FILIP1: variants seen among roughly 807,000 people sequenced by gnomAD.
The protein encoded by FILIP1 is filamin-A-interacting protein 1.
Under a neutral mutation model 102.1 loss-of-function variants are expected in FILIP1, and 61 were observed. The ratio of observed to expected loss-of-function variants is 0.60; its 90% CI spans 0.49 to 0.74. The LOEUF is 0.74. FILIP1 is among the 30% of genes least tolerant of loss of function. The pLI is 0.00. For missense variants in FILIP1, 1,314 were observed against 1,441.2 expected (o/e 0.91, Z 1.43); for synonymous variants, 491 against 526.9 (o/e 0.93, Z 0.93).
intron 4 of FILIP1, among the ~76,000 whole-genome samples, chr6:75,348,974 C>T (rs994797931): frequency 6.6e-6 from 1 of 152,178 alleles, no homozygotes; most frequent in Non-Finnish European, 1.5e-5. Context: ...GGAACCTACA[C>T]ACAAAAATGA....
In FILIP1 at chr6:75,403,525, A is replaced by AAAAAAAAGG. The variant is rs1776734263; in HGVS notation, c.276+11171_276+11172insCCTTTTTTT. Reference sequence around the variant, plus strand: ...AAGACTCTGTCCCACAAAAAAAAAAAAAAAAGAAAAAGAAAAAGAAATATT... The same window carrying AAAAAAAAGG: ...AAGACTCTGTCCCACAAAAAAAAAAAAAAAAAAGGAAAAAGAAAAAGAAAAAGAAATATT... On this transcript the variant is annotated intron_variant, in intron 2 of 5. Coordinates refer to ENST00000237172, the MANE Select transcript of FILIP1 (RefSeq NM_015687.5). Among the ~76,000 whole-genome samples, 5 of 14,458 alleles carry AAAAAAAAGG rather than the reference A, an allele frequency of 3.5e-4. No homozygotes were observed. In the South Asian group the frequency reaches 0.011, roughly 32 times the overall value. The allele number at this position is 14,458 out of a possible 152,430, so 9.5% of individuals were successfully genotyped here.
chr6:75,305,445 C>T (rs747396773), downstream of FILIP1, among the ~76,000 whole-genome samples: 4 of 152,182 alleles, frequency 2.6e-5, no homozygotes, highest in African/African-American at 9.7e-5. Flanking sequence ...TGAAGACATT[C>T]GAGTAAGAGC....
At chr6:75,298,694 A>G (rs1247218299) in intron 6 of FILIP1, among the ~76,000 whole-genome samples, 1 of 152,150 alleles carries the variant, frequency 6.6e-6, no homozygotes, top group Non-Finnish European at 1.5e-5. Context: ...AGAGGGGTGG[A>G]TCACTTGAGG....
intron 1 of FILIP1, among the ~76,000 whole-genome samples, chr6:75,486,942 A>G (rs1327028136): frequency 6.6e-6 from 1 of 152,042 alleles, no homozygotes; most frequent in East Asian, 1.9e-4. Context: ...GAAGTTGGGG[A>G]TGTCTTATCA....
chr6:75,430,546 T>C (rs1015320150), intron 1 of FILIP1, among the ~76,000 whole-genome samples: 4 of 152,114 alleles, frequency 2.6e-5, no homozygotes, highest in Non-Finnish European at 4.4e-5. Flanking sequence ...CATAAATATA[T>C]ATAATAACAG....
chr6:75,369,278 T>C (rs956412183), intron 2 of FILIP1, among the ~76,000 whole-genome samples: 2 of 152,172 alleles, frequency 1.3e-5, no homozygotes, highest in African/African-American at 2.4e-5. Flanking sequence ...ATGTCCCAGA[T>C]TGTGTGAGAC....
chr6:75,351,145 C>G (rs1191016954), intron 4 of FILIP1, among the ~76,000 whole-genome samples: 2 of 152,112 alleles, frequency 1.3e-5, no homozygotes, highest in Non-Finnish European at 1.5e-5. Flanking sequence ...TGGCTCACTG[C>G]AACCTCTGCC....
chr6:75,482,654 C>T (rs1022195901), intron 1 of FILIP1, among the ~76,000 whole-genome samples: 2 of 152,172 alleles, frequency 1.3e-5, no homozygotes, highest in African/African-American at 4.8e-5. Flanking sequence ...CTCTAGTGAA[C>T]ATTTAAAACA....
intron 2 of FILIP1, among the ~76,000 whole-genome samples, chr6:75,365,579 G>A (rs1006990492): frequency 6.6e-6 from 1 of 152,192 alleles, no homozygotes; most frequent in Admixed American, 6.5e-5. Flanking sequence ...TAGAGACAGG[G>A]TTTCGCCATG....
At chr6:75,309,975 A>G (rs1259776758) in intron 5 of FILIP1, among the ~76,000 whole-genome samples, 3 of 152,248 alleles carry the variant, frequency 2.0e-5, no homozygotes, top group Admixed American at 1.3e-4. Flanking sequence ...TCTCATGATC[A>G]TCACCCTTTC....
intron 1 of FILIP1, among the ~76,000 whole-genome samples, chr6:75,457,188 T>G (rs1582537466): frequency 6.6e-6 from 1 of 152,222 alleles, no homozygotes; most frequent in East Asian, 1.9e-4. Context: ...CAAGTACCAG[T>G]GGAAATAAAA....
intron 1 of FILIP1, among the ~76,000 whole-genome samples, chr6:75,448,929 C>T (rs1276348636): frequency 6.6e-6 from 1 of 152,142 alleles, no homozygotes; most frequent in Non-Finnish European, 1.5e-5. Flanking sequence ...CTTTAAAGAA[C>T]TAAAAGTAGA....
intron 2 of FILIP1, among the ~76,000 whole-genome samples, chr6:75,388,944 G>A (rs912176206): frequency 6.6e-6 from 1 of 152,132 alleles, no homozygotes; most frequent in Non-Finnish European, 1.5e-5. Flanking sequence ...TCCTTGTCTT[G>A]TGCCGGTTTT....
chr6:75,395,192 G>A (rs1424806075), intron 2 of FILIP1, among the ~76,000 whole-genome samples: 7 of 152,042 alleles, frequency 4.6e-5, no homozygotes, highest in East Asian at 1.9e-4. Flanking sequence ...TATAGTATAT[G>A]CTTCCATATA....
At chr6:75,484,787 T>C (rs553641550) in intron 1 of FILIP1, among the ~76,000 whole-genome samples, 2 of 152,192 alleles carry the variant, frequency 1.3e-5, no homozygotes, top group African/African-American at 2.4e-5. Context: ...ATTGACATTG[T>C]GGTACTCAAG....
Position 75,314,810 on chromosome 6 carries a change from C to T in FILIP1, c.1022G>A (p.Arg341Lys). 6.2e-7 allele frequency: 1 copy of T among 1,613,974 alleles called. No homozygotes were observed. The highest frequency in any genetic ancestry group is 8.5e-7 in the Non-Finnish European group (1 of 1,180,010). The change falls in exon 5 of 6, where the codon AGA (arginine) becomes AAA (lysine). Residue 341 changes from arginine to lysine, a missense_variant. By Grantham distance (26) the Arg-to-Lys change is conservative. Transcript: ENST00000237172. ...GTTGGTCTCTTCTAGCTCCTCGATT[C>T]TTTGGGTTAAGCCAACCAGCTTGAG... ...LRLKLVGLTQ[R>K]IEELEETNKN...
intron 2 of FILIP1, among the ~76,000 whole-genome samples, chr6:75,366,940 G>A (rs919258948): frequency 3.3e-5 from 5 of 151,974 alleles, no homozygotes; most frequent in Non-Finnish European, 5.9e-5. Flanking sequence ...ACATTATAGG[G>A]ACTGTGTTAG....
At chr6:75,336,731 T>C (rs1279678780) in intron 4 of FILIP1, among the ~76,000 whole-genome samples, 1 of 152,156 alleles carries the variant, frequency 6.6e-6, no homozygotes, top group Non-Finnish European at 1.5e-5. Context: ...CAAATGTCAA[T>C]CACAGACAGG....
intron 4 of FILIP1, chr6:75,319,691 G>A (rs1344595379): frequency 3.0e-5 from 10 of 335,926 alleles, no homozygotes; most frequent in Middle Eastern, 9.8e-4. Context: ...TTAGCCGGGC[G>A]TAGCGGCGGG....
Sources: gnomAD v4.1 joint callset for allele counts (sites outside exome capture counted in the v4.1 genomes callset) on GRCh38, gnomAD v4.1.1 for gene constraint, MANE v1.5 for transcripts, NCBI Gene and HGNC (gene_info 2026-07-23, HGNC 2026-07-21) for gene names.